Variants in DDX31 observed in about 807,000 individuals in gnomAD.
DDX31 encodes the protein ATP-dependent DNA helicase DDX31.
DDX31 carries 70 observed loss-of-function variants against 91.3 expected under a neutral mutation model. The observed-to-expected ratio is 0.77, with a 90% CI of 0.63 to 0.94. The LOEUF is 0.94. Among genes scored for constraint, DDX31 ranks in the 40% least tolerant of loss-of-function variants. The probability of loss-of-function intolerance (pLI) is 0.00; values close to 1 mark genes in which losing one functional copy is unlikely to be tolerated. For synonymous variants in DDX31, 362 were observed against 350.6 expected (o/e 1.03, Z -0.36); for missense variants, 902 against 925.0 (o/e 0.98, Z 0.32).
At chr9:132,598,333 C>T (rs546258962) in intron 19 of DDX31, among the ~76,000 whole-genome samples, 3 of 152,348 alleles carry the variant, frequency 2.0e-5, no homozygotes, top group African/African-American at 7.2e-5. Flanking sequence ...CAGGAACCTG[C>T]CAACTTTCTC....
chr9:132,641,617 A>G (rs1002452578), intron 14 of DDX31, among the ~76,000 whole-genome samples: 2 of 152,204 alleles, frequency 1.3e-5, no homozygotes, highest in African/African-American at 4.8e-5. Flanking sequence ...ATCGGCCCAA[A>G]TGCACCGATT....
intron 14 of DDX31, among the ~76,000 whole-genome samples, chr9:132,633,307 A>G (rs1024779279): frequency 6.6e-6 from 1 of 152,206 alleles, no homozygotes; most frequent in Non-Finnish European, 1.5e-5. Context: ...GGTAGTATCT[A>G]GCAAAATTAC....
intron 3 of DDX31, 141 bp downstream of exon 3, chr9:132,662,120 T>C: frequency 1.2e-6 from 1 of 803,454 alleles, no homozygotes; most frequent in South Asian, 1.7e-5. Flanking sequence ...GAGTATCATA[T>C]CAATCTGAGT....
intron 16 of DDX31, among the ~76,000 whole-genome samples, chr9:132,629,429 G>A (rs1832591278): frequency 6.6e-6 from 1 of 152,246 alleles, no homozygotes; most frequent in South Asian, 2.1e-4. Flanking sequence ...TTACTAGCAT[G>A]AGAGGCAGAG....
At chr9:132,662,059 G>A (rs929845151) in intron 3 of DDX31, among the ~76,000 whole-genome samples, 3 of 152,062 alleles carry the variant, frequency 2.0e-5, no homozygotes, top group African/African-American at 4.8e-5. Flanking sequence ...GGGGAAGGGG[G>A]GGCCAGAAAA....
rs1343731253 is a variant in DDX31 at position 132,593,554 on chromosome 9, A to C, written c.*1312T>G. 6.6e-6 allele frequency: 1 copy of C among 152,156 alleles called. No individual in the cohort carries two copies. The highest frequency in any genetic ancestry group is 6.5e-5 in the Admixed American group (1 of 15,284). 9.4% of individuals were successfully genotyped at this position (152,156 alleles called of 1,614,324 possible). A position where few individuals can be genotyped will look rare whatever the true frequency, so the allele number is the denominator to read the frequency against. On this transcript the variant is annotated 3_prime_UTR_variant, in exon 20 of 20. Coordinates refer to ENST00000372159, the MANE Select transcript of DDX31 (RefSeq NM_022779.9). The stretch of plus-strand genomic sequence containing the variant: ...TTGTATGTGACAGCCAACTCTGAGA[A>C]GGTCCTATTTTTCCACCTGCAGAGG...
intron 16 of DDX31, among the ~76,000 whole-genome samples, chr9:132,628,485 C>T (rs1832531245): frequency 6.6e-6 from 1 of 152,254 alleles, no homozygotes; most frequent in Non-Finnish European, 1.5e-5. Context: ...ATATACCTGA[C>T]TCCCTAATAC....
intron 19 of DDX31, among the ~76,000 whole-genome samples, chr9:132,605,436 T>C (rs1349761119): frequency 6.6e-6 from 1 of 152,158 alleles, no homozygotes; most frequent in Non-Finnish European, 1.5e-5. Context: ...TCAAAAAACC[T>C]GTACAACGCA....
At position 132,638,872 on chromosome 9, in the gene DDX31, C is replaced by A. The variant is rs115000095; in HGVS notation, c.1440+3132G>T. On this transcript the variant is annotated intron_variant, in intron 14 of 19. Transcript: ENST00000372159. The stretch of plus-strand genomic sequence containing the variant: ...GAGCACACTGCTATTTCCAAATTTT[C>A]ATAAAGACATTCATTCTGGCCTTGT... 6.8e-3 allele frequency among the ~76,000 whole-genome samples: 1,039 copies of A among 152,234 alleles called. 11 individuals carry two copies. Among genetic ancestry groups the A allele is most frequent in the African/African-American group, 0.024 (1,002 of 41,514 alleles).
intron 6 of DDX31, among the ~76,000 whole-genome samples, chr9:132,655,037 G>A (rs529761623): frequency 6.6e-6 from 1 of 151,806 alleles, no homozygotes; most frequent in Admixed American, 6.6e-5. Flanking sequence ...CACCGCTGCT[G>A]GAGTGCACAC....
intron 1 of DDX31, among the ~76,000 whole-genome samples, chr9:132,666,349 TA>T (rs769117514): frequency 2.8e-3 from 398 of 144,320 alleles, no homozygotes; most frequent in Middle Eastern, 3.5e-3. Context: ...TTTGATAAGT[TA>T]AAAAAAAAAA....
chr9:132,648,072 C>T, intron 11 of DDX31, 117 bp downstream of exon 11: 1 of 781,038 alleles, frequency 1.3e-6, no homozygotes, highest in Non-Finnish European at 2.0e-6. Flanking sequence ...GGACAGCTCT[C>T]TCCCTGCCCC....
chr9:132,641,966 T>C, intron 14 of DDX31, 38 bp downstream of exon 14: 2 of 1,590,642 alleles, frequency 1.3e-6, no homozygotes, highest in Non-Finnish European at 1.7e-6. Context: ...ATCACAGAAA[T>C]GTATCAGCCT....
At chr9:132,608,190 C>T (rs1018536848) in intron 19 of DDX31, among the ~76,000 whole-genome samples, 9 of 152,116 alleles carry the variant, frequency 5.9e-5, no homozygotes, top group African/African-American at 1.7e-4. Context: ...AATATTTTAC[C>T]GACAGCACCA....
intron 4 of DDX31, among the ~76,000 whole-genome samples, chr9:132,660,183 A>G (rs779239044): frequency 3.3e-5 from 5 of 152,002 alleles, no homozygotes; most frequent in Admixed American, 6.6e-5. Flanking sequence ...AAAATACAAA[A>G]AATTAGCTGG....
intron 19 of DDX31, among the ~76,000 whole-genome samples, chr9:132,605,661 G>T (rs932667365): frequency 6.6e-6 from 1 of 152,200 alleles, no homozygotes; most frequent in Non-Finnish European, 1.5e-5. Flanking sequence ...GGGCAGAGAC[G>T]TGAGGGTGTC....
At chr9:132,610,605 T>A (rs1480807797) in intron 19 of DDX31, among the ~76,000 whole-genome samples, 5 of 151,816 alleles carry the variant, frequency 3.3e-5, no homozygotes, top group Non-Finnish European at 5.9e-5. Flanking sequence ...CCCTATATGG[T>A]TCAAAAAGCA....
chr9:132,660,391 C>T (rs1162512458), intron 4 of DDX31, among the ~76,000 whole-genome samples: 2 of 151,168 alleles, frequency 1.3e-5, no homozygotes, highest in Non-Finnish European at 3.0e-5. Context: ...AGAGTTACCA[C>T]CAAGTGTATC....
Position 132,594,735 on chromosome 9 carries a change from C to G in DDX31, c.*131G>C. 1 of 1,438,344 alleles carries G rather than the reference C, an allele frequency of 7.0e-7. No homozygotes were observed. Among genetic ancestry groups the G allele is most frequent in the Non-Finnish European group, 9.4e-7 (1 of 1,065,256 alleles). 89.1% of individuals were successfully genotyped at this position (1,438,344 alleles called of 1,614,324 possible). A position where few individuals can be genotyped will look rare whatever the true frequency, so the allele number is the denominator to read the frequency against. On this transcript the variant is annotated 3_prime_UTR_variant, in exon 20 of 20. Coordinates refer to ENST00000372159, the MANE Select transcript of DDX31 (RefSeq NM_022779.9). ...CCATGGAGGAGAAGGGCTGTGGCCC[C>G]TCTGATTCTTGGGGACGTGGTATTC...
Sources: gnomAD v4.1 joint callset for allele counts (sites outside exome capture counted in the v4.1 genomes callset) on GRCh38, gnomAD v4.1.1 for gene constraint, MANE v1.5 for transcripts, NCBI Gene and HGNC (gene_info 2026-07-23, HGNC 2026-07-21) for gene names.